Variants in ITFG1 observed in about 807,000 individuals in gnomAD.
The protein encoded by ITFG1 is integrin alpha FG-GAP repeat containing 1.
In ITFG1, 34 loss-of-function variants were observed where a neutral mutation model predicts 81.8. That is an observed-to-expected ratio of 0.42 (90% CI 0.32 to 0.55). The LOEUF is 0.55. Ranked by LOEUF, ITFG1 falls within the 20% of genes least tolerant of loss-of-function variation. ITFG1 has a pLI of 0.17. For missense variants in ITFG1, 672 were observed against 755.4 expected, an observed-to-expected ratio of 0.89 and a Z score of 1.29; for synonymous variants, 285 against 270.6, an observed-to-expected ratio of 1.05 and a Z score of -0.52.
chr16:47,456,070 C>T (rs1245641865), intron 2 of ITFG1, among the ~76,000 whole-genome samples: 1 of 152,098 alleles, frequency 6.6e-6, no homozygotes, highest in Non-Finnish European at 1.5e-5. Flanking sequence ...AAAGAATAAT[C>T]ATTCCTGTAA....
At chr16:47,431,104 T>C (rs1969090378) in intron 5 of ITFG1, among the ~76,000 whole-genome samples, 1 of 152,216 alleles carries the variant, frequency 6.6e-6, no homozygotes, top group South Asian at 2.1e-4. Context: ...GAGAATTCCA[T>C]TTATGTGAAA....
chr16:47,162,781 T>G, intron 14 of ITFG1, 117 bp from the exon 15 acceptor site: 1 of 890,498 alleles, frequency 1.1e-6, no homozygotes, highest in Non-Finnish European at 1.7e-6. Context: ...CGTTTCAAAA[T>G]GTGAAATGAA....
intron 8 of ITFG1, among the ~76,000 whole-genome samples, chr16:47,334,251 C>G (rs1301546801): frequency 1.3e-5 from 2 of 151,982 alleles, no homozygotes; most frequent in Non-Finnish European, 2.9e-5. Flanking sequence ...GAGTTCAAGA[C>G]AAGCCTGGGC....
At chr16:47,430,044 T>A (rs1231442570) in intron 5 of ITFG1, among the ~76,000 whole-genome samples, 2 of 151,132 alleles carry the variant, frequency 1.3e-5, no homozygotes, top group Non-Finnish European at 2.9e-5. Context: ...CTGTGGGTTG[T>A]CTTTTTACTT....
At chr16:47,201,163 T>C (rs1965420116) in intron 14 of ITFG1, among the ~76,000 whole-genome samples, 1 of 152,140 alleles carries the variant, frequency 6.6e-6, no homozygotes, top group Admixed American at 6.6e-5. Context: ...CTAAAATTAA[T>C]GAAACTTCAT....
chr16:47,185,682 A>G (rs1312971755), intron 14 of ITFG1, among the ~76,000 whole-genome samples: 1 of 152,212 alleles, frequency 6.6e-6, no homozygotes, highest in African/African-American at 2.4e-5. Context: ...TGACACCCTA[A>G]CATCACAATT....
upstream of ITFG1, chr16:47,461,216 T>G (rs895489702): frequency 1.0e-6 from 1 of 966,928 alleles, no homozygotes; most frequent in Non-Finnish European, 1.5e-6. Flanking sequence ...AAAAAAGCAG[T>G]GGAGCTAGGG....
At chr16:47,207,437 C>T (rs1965514270) in intron 14 of ITFG1, among the ~76,000 whole-genome samples, 1 of 152,128 alleles carries the variant, frequency 6.6e-6, no homozygotes, top group African/African-American at 2.4e-5. Context: ...TAGAAGGTGG[C>T]AAGTGCTTTG....
Position 47,278,236 on chromosome 16 carries a change from CAT to C in ITFG1, c.1071-17543_1071-17542del, listed in dbSNP as rs201080508. Among the ~76,000 whole-genome samples, 149 of 152,242 alleles carry C rather than the reference CAT, an allele frequency of 9.8e-4. 1 individual carries two copies. The East Asian group carries it at 0.025, about 25-fold the overall frequency. ...CATGTTTTCATGTAAATAGAACAGA[CAT>C]AAAGAATAGTGGTGGAGTCGAGGAG... On this transcript the variant is annotated intron_variant, in intron 10 of 17. Transcript: ENST00000320640.
chr16:47,245,099 C>A (rs1444945076), intron 12 of ITFG1, among the ~76,000 whole-genome samples: 1 of 152,142 alleles, frequency 6.6e-6, no homozygotes, highest in Admixed American at 6.5e-5. Flanking sequence ...GTAATCCCAG[C>A]ACTTTGGGAG....
chr16:47,422,829 G>A (rs957477082), intron 6 of ITFG1, among the ~76,000 whole-genome samples: 6 of 152,002 alleles, frequency 3.9e-5, no homozygotes, highest in Non-Finnish European at 8.8e-5. Flanking sequence ...TTCTGTGGGA[G>A]TGCTTTACTT....
chr16:47,215,401 A>G (rs969906522), intron 14 of ITFG1, among the ~76,000 whole-genome samples: 1 of 152,244 alleles, frequency 6.6e-6, no homozygotes, highest in Non-Finnish European at 1.5e-5. Context: ...CATGAAATAC[A>G]GCATATGTTT....
intron 14 of ITFG1, among the ~76,000 whole-genome samples, chr16:47,176,581 G>A (rs1965027085): frequency 6.6e-6 from 1 of 152,154 alleles, no homozygotes; most frequent in African/African-American, 2.4e-5. Flanking sequence ...ACATTTTAAT[G>A]GCCTGTTTCT....
intron 8 of ITFG1, among the ~76,000 whole-genome samples, chr16:47,330,155 A>G (rs774063813): frequency 3.9e-5 from 6 of 152,052 alleles, no homozygotes; most frequent in Non-Finnish European, 8.8e-5. Context: ...CCATAAAAAA[A>G]TGATCTTTGA....
chr16:47,181,491 G>A (rs1310541374), intron 14 of ITFG1, among the ~76,000 whole-genome samples: 7 of 143,132 alleles, frequency 4.9e-5, no homozygotes, highest in South Asian at 2.2e-4. Flanking sequence ...CGCCCCGTCC[G>A]GGAGGGAGGT....
chr16:47,332,670 G>T (rs967993596), intron 8 of ITFG1, among the ~76,000 whole-genome samples: 4 of 152,168 alleles, frequency 2.6e-5, no homozygotes, highest in Non-Finnish European at 5.9e-5. Context: ...ATGAGAAAAT[G>T]GAGGCCCAGA....
chr16:47,437,470 G>GAA (rs1172465301), intron 5 of ITFG1, among the ~76,000 whole-genome samples: 7 of 71,306 alleles, frequency 9.8e-5, no homozygotes, highest in Non-Finnish European at 1.1e-4. Flanking sequence ...TCCATCTCCT[G>GAA]AAAAAAAAAA....
At chr16:47,263,060 C>A in intron 10 of ITFG1, 1 of 226,180 alleles carries the variant, frequency 4.4e-6, no homozygotes, top group Admixed American at 4.6e-5. Context: ...GTTGGCTCGG[C>A]AAAGTCAAAT....
At chr16:47,169,449 A>G (rs1249251062) in intron 14 of ITFG1, among the ~76,000 whole-genome samples, 5 of 151,886 alleles carry the variant, frequency 3.3e-5, no homozygotes, top group Non-Finnish European at 5.9e-5. Context: ...ACTCTTCTAA[A>G]TGTTGCAAAC....
Sources: allele counts gnomAD v4.1 joint callset (sites outside exome capture counted in the v4.1 genomes callset), GRCh38; gene constraint gnomAD v4.1.1; transcripts MANE v1.5; gene names NCBI Gene and HGNC (gene_info 2026-07-23, HGNC 2026-07-21).